The following CRACDL variants were observed in gnomAD, a reference collection of about 807,000 sequenced individuals.
The protein encoded by CRACDL is CRACD like.
A neutral mutation model predicts 70.6 loss-of-function variants in CRACDL; 26 were observed. The ratio of observed to expected loss-of-function variants is 0.37; its 90% CI spans 0.27 to 0.51. The LOEUF (loss-of-function observed/expected upper bound fraction) is 0.51. Among genes scored for constraint, CRACDL ranks in the 20% least tolerant of loss-of-function variants. The pLI is 0.94. For missense variants in CRACDL, 1,283 were observed against 1,376.9 expected (o/e 0.93, Z 1.08); for synonymous variants, 618 against 615.2 (o/e 1.00, Z -0.07).
At chr2:98,846,663 G>A in intron 2 of CRACDL, 68 bp downstream of exon 2, 1 of 1,342,534 alleles carries the variant, frequency 7.4e-7, no homozygotes, top group Non-Finnish European at 1.1e-6. Context: ...GCCTGCCTCT[G>A]TCAGTCCCTC....
chr2:98,914,642 T>G (rs1453232704), intron 1 of CRACDL, among the ~76,000 whole-genome samples: 1 of 152,182 alleles, frequency 6.6e-6, no homozygotes, highest in African/African-American at 2.4e-5. Flanking sequence ...AGCCTTCGCC[T>G]GCTTCTGGGG....
At position 98,935,979 on chromosome 2, in the gene CRACDL, G is replaced by A. The variant is rs1709197518; in HGVS notation, c.-52C>T. ...GCCCGGGCTCGGCGAGACGCGCAGA[G>A]AAGGGCACCTTCCGCGGGGTGCGGC... On this transcript the variant is annotated 5_prime_UTR_variant, in exon 1 of 10. Transcript: ENST00000397899. 2.0e-5 allele frequency: 3 copies of A among 152,172 alleles called. 1 individual carries two copies. The allele number at this position is 152,172 out of a possible 1,614,324, so 9.4% of individuals were successfully genotyped here.
intron 2 of CRACDL, among the ~76,000 whole-genome samples, chr2:98,844,296 T>C (rs1358136499): frequency 6.6e-6 from 1 of 152,248 alleles, no homozygotes; most frequent in Admixed American, 6.5e-5. Context: ...CTGGGTGCTA[T>C]GCCACTTTTC....
Position 98,803,621 on chromosome 2 carries a change from C to T in CRACDL, c.2417-6084G>A, listed in dbSNP as rs937706384. ...TTCATACTTTGGCATATGCTACTTC[C>T]AATTTTCTCCATTATGCTGTCATCC... On this transcript the variant is annotated intron_variant, in intron 7 of 9. Transcript: ENST00000397899. Among the ~76,000 whole-genome samples, 6 of 152,196 alleles carry T rather than the reference C, an allele frequency of 3.9e-5. No individual in the cohort carries two copies. In the East Asian group the frequency reaches 1.2e-3, roughly 29 times the overall value.
chr2:98,810,882 C>T (rs1001814081), intron 7 of CRACDL, among the ~76,000 whole-genome samples: 1 of 151,928 alleles, frequency 6.6e-6, no homozygotes, highest in Admixed American at 6.6e-5. Context: ...AAGCGGAATG[C>T]CCCTCAGGAG....
At chr2:98,904,633 A>T (rs1708359403) in intron 1 of CRACDL, among the ~76,000 whole-genome samples, 1 of 152,260 alleles carries the variant, frequency 6.6e-6, no homozygotes, top group South Asian at 2.1e-4. Context: ...CAAGAAGAAC[A>T]AAGCCACCTT....
At chr2:98,929,829 G>C (rs932516035) in intron 1 of CRACDL, among the ~76,000 whole-genome samples, 1 of 152,140 alleles carries the variant, frequency 6.6e-6, no homozygotes, top group African/African-American at 2.4e-5. Context: ...ATAGGAAGTA[G>C]AGCAGGTGTA....
At chr2:98,857,251 GA>G (rs1706735568) in intron 1 of CRACDL, among the ~76,000 whole-genome samples, 1 of 151,958 alleles carries the variant, frequency 6.6e-6, no homozygotes, top group African/African-American at 2.4e-5. Flanking sequence ...GAAAAAGAAA[GA>G]AAAACAAAAA....
At chr2:98,910,078 C>T (rs1708510693) in intron 1 of CRACDL, among the ~76,000 whole-genome samples, 1 of 152,170 alleles carries the variant, frequency 6.6e-6, no homozygotes, top group Non-Finnish European at 1.5e-5. Context: ...GGAAGGATGG[C>T]TCTGTCTCCT....
Position 98,823,258 on chromosome 2 carries a change from G to C in CRACDL, c.1015C>G (p.Pro339Ala), listed in dbSNP as rs904002251. Residue 339 changes from proline to alanine, a missense_variant, in exon 7 of 10, where the codon CCG becomes GCG. By Grantham distance (27) the Pro-to-Ala change is conservative (BLOSUM62 -1). Around this residue, in one of 2 missense-constraint regions of CRACDL, gnomAD observed 362 missense variants for 495.0 expected, o/e 0.73. Transcript: ENST00000397899. This position sits in a 1 kb window ranked among gnomAD's most constrained non-coding sequence, Gnocchi z 4.0. The part of the protein sequence containing the change: ...GEDPSSRPAT[P>A]ELAEPESAPT... ...GCCGACTCGGGCTCGGCGAGCTCCG[G>C]GGTGGCCGGGCGGCTTGAGGGGTCC... 1 of 1,406,380 alleles carries C rather than the reference G, an allele frequency of 7.1e-7. No homozygotes were observed. Among genetic ancestry groups the C allele is most frequent in the African/African-American group, 1.5e-5 (1 of 65,586 alleles). The allele number at this position is 1,406,380 out of a possible 1,614,324, so 87.1% of individuals were successfully genotyped here.
chr2:98,818,836 A>G lies in CRACDL; in HGVS notation c.2416+3021T>C, dbSNP rs1575342271. 2.0e-5 allele frequency among the ~76,000 whole-genome samples: 3 copies of G among 152,348 alleles called. No homozygotes were observed. In the South Asian group the frequency reaches 6.2e-4, roughly 32 times the overall value. On this transcript the variant is annotated intron_variant, in intron 7 of 9. Coordinates refer to ENST00000397899, the MANE Select transcript of CRACDL (RefSeq NM_207362.3). Reference sequence around the variant, plus strand: ...AGCATGAGATAGCCCCTCAAGGTCCAGGTAGGATCAGGCAGCAGGCCCAGC... The same window carrying G: ...AGCATGAGATAGCCCCTCAAGGTCCGGGTAGGATCAGGCAGCAGGCCCAGC...
intron 1 of CRACDL, among the ~76,000 whole-genome samples, chr2:98,911,149 C>A (rs1374803435): frequency 6.6e-6 from 1 of 152,188 alleles, no homozygotes; most frequent in Non-Finnish European, 1.5e-5. Context: ...CACAGGCACA[C>A]CCCTCTTCTG....
intron 1 of CRACDL, among the ~76,000 whole-genome samples, chr2:98,894,269 TA>T (rs1486973420): frequency 6.6e-6 from 1 of 152,210 alleles, no homozygotes; most frequent in East Asian, 1.9e-4. Context: ...CACATCTCCA[TA>T]AATGATTTGG....
Position 98,846,510 on chromosome 2 carries a change from G to A in CRACDL, c.70+221C>T, listed in dbSNP as rs117127079. 3.9e-4 allele frequency among the ~76,000 whole-genome samples: 60 copies of A among 152,260 alleles called. 1 individual carries two copies. The East Asian group carries it at 9.7e-3, about 24-fold the overall frequency. On this transcript the variant is annotated intron_variant, in intron 2 of 9. Coordinates refer to ENST00000397899, the MANE Select transcript of CRACDL (RefSeq NM_207362.3). ...GAGGAAAATGAGCTGAAAGGTCCCC[G>A]TGCTTGACACAGAAGCAGAGGAAAT...
chr2:98,822,950 C>T lies in CRACDL; in HGVS notation c.1323G>A (p.Pro441=). Residue 441 remains proline, a synonymous_variant, in exon 7 of 10, where the codon CCG becomes CCA. Transcript: ENST00000397899. The surrounding 1 kb of genome is among the most constrained non-coding windows in gnomAD (Gnocchi z 4.9). ...CCTCATCCGGGAGCACGGGCGGCGT[C>T]GGCTCCGCTTCCTTCGGGACACTGC... ...PERSVPKEAE[P]TPPVLPDEEK... 6.8e-7 allele frequency: 1 copy of T among 1,461,984 alleles called. No individual in the cohort carries two copies. Among genetic ancestry groups the T allele is most frequent in the Non-Finnish European group, 9.0e-7 (1 of 1,112,094 alleles). 90.6% of individuals were successfully genotyped at this position (1,461,984 alleles called of 1,614,324 possible).
chr2:98,916,023 G>A (rs1708657119), intron 1 of CRACDL, among the ~76,000 whole-genome samples: 1 of 152,222 alleles, frequency 6.6e-6, no homozygotes. Context: ...AACTTACAGA[G>A]ACAGACGGAT....
intron 5 of CRACDL, among the ~76,000 whole-genome samples, chr2:98,830,574 A>G (rs1192805927): frequency 6.6e-6 from 1 of 152,232 alleles, no homozygotes; most frequent in Non-Finnish European, 1.5e-5. Context: ...TGAAGACACT[A>G]AAGATTACCT....
At chr2:98,894,398 A>G (rs1473637667) in intron 1 of CRACDL, among the ~76,000 whole-genome samples, 1 of 152,174 alleles carries the variant, frequency 6.6e-6, no homozygotes, top group Non-Finnish European at 1.5e-5. Context: ...AGCAGCATGA[A>G]CCTGAGAGGC....
At chr2:98,864,930 AT>A in intron 1 of CRACDL, among the ~76,000 whole-genome samples, 1 of 152,230 alleles carries the variant, frequency 6.6e-6, no homozygotes, top group Non-Finnish European at 1.5e-5. Flanking sequence ...AAATAAAGAC[AT>A]TTTCAGAAAA....
Sources: gnomAD v4.1 joint callset for allele counts (sites outside exome capture counted in the v4.1 genomes callset) on GRCh38, gnomAD v4.1.1 for gene constraint, gnomAD v4.1.1 regional missense constraint, Gnocchi (gnomAD v3.1) non-coding constraint, MANE v1.5 for transcripts, NCBI Gene and HGNC (gene_info 2026-07-23, HGNC 2026-07-21) for gene names.